The following CAST variants were observed in gnomAD, a reference collection of about 807,000 sequenced individuals.
CAST encodes the protein calpastatin, also known as MIR583 host.
In CAST, 76 loss-of-function variants were observed where a neutral mutation model predicts 119.6. That is an observed-to-expected ratio of 0.64 (90% CI 0.53 to 0.77). CAST has a LOEUF of 0.77. CAST is among the 30% of genes least tolerant of loss of function. CAST has a pLI of 0.00. For missense variants in CAST, 953 were observed against 946.5 expected, an observed-to-expected ratio of 1.01 and a Z score of -0.09; for synonymous variants, 319 against 331.6, an observed-to-expected ratio of 0.96 and a Z score of 0.41.
At chr5:96,714,702 C>T (rs1756881477) in intron 3 of CAST, 1 of 152,158 alleles carries the variant, frequency 6.6e-6, no homozygotes, top group Non-Finnish European at 1.5e-5. Context: ...ACTGGAATCC[C>T]TAGAGACATG....
At chr5:96,673,873 G>A (rs1484160759) in intron 1 of CAST, among the ~76,000 whole-genome samples, 1 of 152,168 alleles carries the variant, frequency 6.6e-6, no homozygotes, top group Non-Finnish European at 1.5e-5. Flanking sequence ...GGATGTATAG[G>A]TAAAAGAAGA....
chr5:96,044,196 A>C, the CAST span, among the ~76,000 whole-genome samples: 4 of 152,190 alleles, frequency 2.6e-5, no homozygotes, highest in Non-Finnish European at 4.4e-5. Flanking sequence ...CTATGGTTTG[A>C]ATGTTTGTGT....
At chr5:96,647,641 T>A (rs1489731844) in intron 1 of CAST, among the ~76,000 whole-genome samples, 2 of 152,030 alleles carry the variant, frequency 1.3e-5, no homozygotes, top group African/African-American at 4.8e-5. Flanking sequence ...TATGACAGAT[T>A]TCCTTGTTAA....
intron 1 of CAST, among the ~76,000 whole-genome samples, chr5:96,672,706 CAAA>C (rs11427288): frequency 1.7e-5 from 1 of 59,172 alleles, no homozygotes; most frequent in Non-Finnish European, 3.3e-5. Context: ...GACTCAGTCT[CAAA>C]AAAAAAAAAA....
the CAST span, among the ~76,000 whole-genome samples, chr5:96,125,332 A>G: frequency 2.0e-5 from 3 of 152,184 alleles, no homozygotes; most frequent in Non-Finnish European, 4.4e-5. Flanking sequence ...TCATGGGTAG[A>G]TATGAATAAC....
chr5:96,466,692 T>A, the CAST span, among the ~76,000 whole-genome samples: 20 of 152,140 alleles, frequency 1.3e-4, no homozygotes, highest in Non-Finnish European at 2.4e-4. Context: ...AATTCATAAA[T>A]ATCTTCCTCA....
At chr5:96,374,795 T>G in the CAST span, among the ~76,000 whole-genome samples, 6 of 152,046 alleles carry the variant, frequency 3.9e-5, no homozygotes, top group Non-Finnish European at 7.4e-5. Flanking sequence ...CACAGAGAGA[T>G]AGATTTTCTG....
At chr5:96,616,753 T>TACACACACACACAC (rs377159898) in intron 1 of CAST, among the ~76,000 whole-genome samples, 1 of 130,738 alleles carries the variant, frequency 7.6e-6, no homozygotes, top group African/African-American at 2.8e-5. Context: ...TCTATATATA[T>TACACACACACACAC]ACACACACAC....
intron 1 of CAST, among the ~76,000 whole-genome samples, chr5:96,647,155 G>A (rs1172210392): frequency 2.6e-5 from 4 of 152,084 alleles, no homozygotes; most frequent in South Asian, 4.1e-4. Flanking sequence ...TACACGGATC[G>A]GAGGAAACAA....
the CAST span, among the ~76,000 whole-genome samples, chr5:96,253,975 A>G: frequency 6.8e-6 from 1 of 146,458 alleles, no homozygotes; most frequent in Non-Finnish European, 1.5e-5. Flanking sequence ...AAAAAAAGAG[A>G]GAAATTCACT....
intron 1 of CAST, chr5:96,662,876 G>A: frequency 1.8e-6 from 1 of 569,266 alleles, no homozygotes; most frequent in Non-Finnish European, 3.1e-6. Flanking sequence ...CTAAGGCCGG[G>A]CCGCAGGGCG....
At position 96,748,602 on chromosome 5, in the gene CAST, GA is replaced by G; in HGVS notation, c.1421del (p.Lys474ArgfsTer35). ...TAAAGAGAAACCATCTAAGCCAACTGAAAAGACAGAAGTATGTTTCTAAACA... is the reference window on the plus strand; with the variant it reads ...TAAAGAGAAACCATCTAAGCCAACTGAAAGACAGAAGTATGTTTCTAAACA... ...ECKEKPSKPT[E>X]KTEESKAAAP... On this transcript the variant is annotated frameshift_variant, in exon 19 of 32. Coordinates refer to ENST00000675179, the MANE Select transcript of CAST (RefSeq NM_001750.7). LOFTEE classifies it high-confidence loss of function. The G allele has an allele frequency of 6.8e-7, 1 of 1,469,444 alleles. No individual in the cohort carries two copies. The highest frequency in any genetic ancestry group is 9.5e-7 in the Non-Finnish European group (1 of 1,050,938). 91.0% of individuals were successfully genotyped at this position (1,469,444 alleles called of 1,614,324 possible).
chr5:96,677,658 G>T (rs761986179), intron 2 of CAST, among the ~76,000 whole-genome samples: 23 of 152,160 alleles, frequency 1.5e-4, no homozygotes, highest in Non-Finnish European at 3.1e-4. Flanking sequence ...CCCTGCCCTT[G>T]TGCCAGAGCC....
At chr5:96,315,226 A>G in the CAST span, among the ~76,000 whole-genome samples, 1 of 152,240 alleles carries the variant, frequency 6.6e-6, no homozygotes, top group African/African-American at 2.4e-5. Flanking sequence ...GTTTAGTATA[A>G]GTATGTCCCA....
the CAST span, among the ~76,000 whole-genome samples, chr5:96,181,409 G>A: frequency 6.6e-6 from 1 of 152,120 alleles, no homozygotes; most frequent in Admixed American, 6.5e-5. Context: ...CCTTCCTGGG[G>A]CTGCTGTCAC....
chr5:96,627,755 T>C (rs1300275143), intron 1 of CAST, among the ~76,000 whole-genome samples: 1 of 152,254 alleles, frequency 6.6e-6, no homozygotes, highest in Non-Finnish European at 1.5e-5. Context: ...GAGAGGAACC[T>C]AGATAGGTAA....
the CAST span, among the ~76,000 whole-genome samples, chr5:96,499,690 T>C: frequency 6.6e-6 from 1 of 152,260 alleles, no homozygotes; most frequent in African/African-American, 2.4e-5. Flanking sequence ...TTACCCATAG[T>C]AGAATTTATT....
At chr5:96,272,052 C>T in the CAST span, among the ~76,000 whole-genome samples, 3 of 152,008 alleles carry the variant, frequency 2.0e-5, no homozygotes, top group Admixed American at 2.0e-4. Context: ...CAAATCAAAA[C>T]CATAATGAGA....
the CAST span, among the ~76,000 whole-genome samples, chr5:96,161,292 A>G: frequency 6.6e-6 from 1 of 152,140 alleles, no homozygotes; most frequent in Non-Finnish European, 1.5e-5. Context: ...TTGTACATAA[A>G]GTGTGGTAGG....
Sources: gnomAD v4.1 joint callset for allele counts (sites outside exome capture counted in the v4.1 genomes callset) on GRCh38, gnomAD v4.1.1 for gene constraint, MANE v1.5 for transcripts, NCBI Gene and HGNC (gene_info 2026-07-23, HGNC 2026-07-21) for gene names.